DCC: variants seen among roughly 807,000 people sequenced by gnomAD.
DCC encodes netrin receptor DCC.
DCC carries 58 observed loss-of-function variants against 172.5 expected under a neutral mutation model. The ratio of observed to expected loss-of-function variants is 0.34; its 90% CI spans 0.27 to 0.42. DCC has a LOEUF of 0.42. Among genes scored for constraint, DCC ranks in the 10% least tolerant of loss-of-function variants. The pLI is 1.00. For missense variants in DCC, 1,740 were observed against 1,791.0 expected, an observed-to-expected ratio of 0.97 and a Z score of 0.51; for synonymous variants, 709 against 644.5, an observed-to-expected ratio of 1.10 and a Z score of -1.52.
chr18:52,906,705 A>T (rs2039888122), intron 3 of DCC, among the ~76,000 whole-genome samples: 2 of 151,998 alleles, frequency 1.3e-5, no homozygotes, highest in African/African-American at 4.8e-5. Flanking sequence ...ATGAAGGTGA[A>T]AATTTGCAAC....
chr18:53,353,864 C>T (rs1223977937), intron 15 of DCC, among the ~76,000 whole-genome samples: 2 of 152,080 alleles, frequency 1.3e-5, no homozygotes, highest in Non-Finnish European at 2.9e-5. Flanking sequence ...TGGTGTGCTG[C>T]ACCCATTAAC....
rs1361030134 is a variant in DCC at position 52,724,349 on chromosome 18, A to G, written c.92-27705A>G. ...TTTTTAATAGAGATAAGGTCTTACT[A>G]TGTTGCCCGGGCTGGTCTCAAATTC... On this transcript the variant is annotated intron_variant, in intron 1 of 28. Coordinates refer to ENST00000442544, the MANE Select transcript of DCC (RefSeq NM_005215.4). Among the ~76,000 whole-genome samples, 3 of 151,860 alleles carry G rather than the reference A, an allele frequency of 2.0e-5. No individual in the cohort carries two copies. The East Asian group carries it at 5.8e-4, about 29-fold the overall frequency.
chr18:53,229,051 G>C (rs2056083255), intron 12 of DCC, among the ~76,000 whole-genome samples: 1 of 152,070 alleles, frequency 6.6e-6, no homozygotes, highest in Admixed American at 6.6e-5. Context: ...TGCTACTTCT[G>C]ATTCAGTAGG....
intron 5 of DCC, among the ~76,000 whole-genome samples, chr18:52,926,880 T>C (rs1215528810): frequency 6.9e-6 from 1 of 145,346 alleles, no homozygotes; most frequent in African/African-American, 2.5e-5. Context: ...CATATACATA[T>C]ATACACACAC....
At chr18:53,205,397 C>T (rs368281037) in intron 10 of DCC, 33 bp downstream of exon 10, 1 of 1,609,108 alleles carries the variant, frequency 6.2e-7, no homozygotes. Flanking sequence ...CTGCTTCCAT[C>T]TGTTGGATGT....
chr18:53,173,498 G>T (rs2055044333), intron 8 of DCC, among the ~76,000 whole-genome samples: 1 of 151,764 alleles, frequency 6.6e-6, no homozygotes. Context: ...ATTGTCTCCA[G>T]TTAAAATTAA....
intron 1 of DCC, among the ~76,000 whole-genome samples, chr18:52,550,735 C>T (rs150349649): frequency 6.6e-6 from 1 of 152,076 alleles, no homozygotes; most frequent in African/African-American, 2.4e-5. Flanking sequence ...ACTGTGGTAC[C>T]TCTTTCCATC....
At chr18:52,779,659 G>A (rs62081957) in intron 2 of DCC, among the ~76,000 whole-genome samples, 4,038 of 152,192 alleles carry the variant, frequency 0.027, 79 homozygotes, top group Middle Eastern at 0.083. Flanking sequence ...AATCCTTTGG[G>A]TATATATCCA....
intron 1 of DCC, among the ~76,000 whole-genome samples, chr18:52,506,974 C>A (rs1224737682): frequency 6.6e-6 from 1 of 151,910 alleles, no homozygotes; most frequent in African/African-American, 2.4e-5. Flanking sequence ...TGATTAAAGG[C>A]AGAAAAGTGA....
At chr18:52,948,462 A>G (rs2040584737) in intron 5 of DCC, among the ~76,000 whole-genome samples, 1 of 152,156 alleles carries the variant, frequency 6.6e-6, no homozygotes. Flanking sequence ...TTAGCTATAT[A>G]CCGGATACTG....
At chr18:53,149,679 C>A (rs1246390208) in intron 7 of DCC, among the ~76,000 whole-genome samples, 5 of 152,110 alleles carry the variant, frequency 3.3e-5, no homozygotes, top group Non-Finnish European at 7.4e-5. Flanking sequence ...GAGCATAAAA[C>A]CTTTAGTTGC....
chr18:52,561,741 G>C (rs1410498873), intron 1 of DCC, among the ~76,000 whole-genome samples: 1 of 152,090 alleles, frequency 6.6e-6, no homozygotes, highest in African/African-American at 2.4e-5. Flanking sequence ...TCACTTCGCG[G>C]TGGGTTTTAC....
intron 1 of DCC, among the ~76,000 whole-genome samples, chr18:52,734,284 A>T (rs887177257): frequency 1.3e-5 from 2 of 152,142 alleles, no homozygotes; most frequent in Non-Finnish European, 2.9e-5. Context: ...TCTGAAATAT[A>T]TAGTAAATTA....
rs185818562 is a variant in DCC, at chr18:53,370,671, A to C, written c.2360-15372A>C. Among the ~76,000 whole-genome samples, 39 of 151,830 alleles carry C rather than the reference A, an allele frequency of 2.6e-4. No individual in the cohort carries two copies. The East Asian group carries it at 7.5e-3, about 29-fold the overall frequency. ...AATTTCCATACATTTGTGATTTTCC[A>C]GTTTTACTTCTGTTATTGATTTATA... On this transcript the variant is annotated intron_variant, in intron 15 of 28. Coordinates refer to ENST00000442544, the MANE Select transcript of DCC (RefSeq NM_005215.4).
intron 1 of DCC, among the ~76,000 whole-genome samples, chr18:52,671,586 C>A (rs549382494): frequency 6.9e-6 from 1 of 144,484 alleles, no homozygotes; most frequent in African/African-American, 2.6e-5. Context: ...CCCACCCCGG[C>A]TGGAGCACAG....
chr18:53,075,740 G>A (rs967179414), intron 7 of DCC, among the ~76,000 whole-genome samples: 6 of 152,106 alleles, frequency 3.9e-5, no homozygotes, highest in Admixed American at 2.6e-4. Flanking sequence ...TGTAGATGCT[G>A]TGCTTATATG....
chr18:53,141,048 A>C (rs115095449), intron 7 of DCC, among the ~76,000 whole-genome samples: 1 of 152,134 alleles, frequency 6.6e-6, no homozygotes, highest in African/African-American at 2.4e-5. Context: ...TAAATTTTGC[A>C]GTTGGTGTCA....
chr18:52,836,413 C>A (rs9964377), intron 2 of DCC, among the ~76,000 whole-genome samples: 66,776 of 151,994 alleles, frequency 0.44, 14,833 homozygotes, highest in South Asian at 0.55. Context: ...CCTTCCACCT[C>A]TGAGCTTGCA....
At chr18:52,692,530 C>T (rs957563570) in intron 1 of DCC, among the ~76,000 whole-genome samples, 1 of 152,144 alleles carries the variant, frequency 6.6e-6, no homozygotes, top group Non-Finnish European at 1.5e-5. Context: ...TCTCTGTCTC[C>T]TGGGTTCAAG....
Sources: gnomAD v4.1 joint callset for allele counts (sites outside exome capture counted in the v4.1 genomes callset) on GRCh38, gnomAD v4.1.1 for gene constraint, MANE v1.5 for transcripts, NCBI Gene and HGNC (gene_info 2026-07-23, HGNC 2026-07-21) for gene names.